The following CNTNAP5 variants were observed in gnomAD, a reference collection of about 807,000 sequenced individuals.
The protein encoded by CNTNAP5 is contactin associated protein family member 5.
A neutral mutation model predicts 150.2 loss-of-function variants in CNTNAP5; 72 were observed. The ratio of observed to expected loss-of-function variants is 0.48; its 90% CI spans 0.40 to 0.58. The LOEUF (loss-of-function observed/expected upper bound fraction) is 0.58. Ranked by LOEUF, CNTNAP5 falls within the 20% of genes least tolerant of loss-of-function variation. CNTNAP5 has a pLI of 0.00. For missense variants in CNTNAP5, 1,636 were observed against 1,626.2 expected (o/e 1.01, Z -0.10); for synonymous variants, 672 against 619.8 (o/e 1.08, Z -1.25).
intron 3 of CNTNAP5, among the ~76,000 whole-genome samples, chr2:124,413,867 A>G (rs1006638659): frequency 6.1e-5 from 9 of 146,482 alleles, no homozygotes; most frequent in African/African-American, 2.3e-4. Context: ...TGTACCCTAA[A>G]ACTTAAAGTA....
chr2:124,751,093 G>A (rs959083471), intron 14 of CNTNAP5, among the ~76,000 whole-genome samples: 1 of 151,932 alleles, frequency 6.6e-6, no homozygotes, highest in African/African-American at 2.4e-5. Context: ...AAGCACAGAT[G>A]TGCCTGAACC....
At chr2:124,847,544 C>G (rs375998251) in intron 19 of CNTNAP5, among the ~76,000 whole-genome samples, 145 of 152,284 alleles carry the variant, frequency 9.5e-4, no homozygotes, top group African/African-American at 3.3e-3. Context: ...CTATGAGTTT[C>G]CTAGCAGAGA....
At position 124,655,923 on chromosome 2, in the gene CNTNAP5, AAGAGAGAGAGAG is replaced by A. The variant is rs138857798; in HGVS notation, c.2077+7979_2077+7990del. On this transcript the variant is annotated intron_variant, in intron 13 of 23. Transcript: ENST00000682447. Reference sequence around the variant, plus strand: ...TGGAAAGAAAAGAAAGAAAGACAGAAAGAGAGAGAGAGAGAGAGAGAGAGAAAGAAAGAAAGA... The same window carrying A: ...TGGAAAGAAAAGAAAGAAAGACAGAAAGAGAGAGAGAGAAAGAAAGAAAGA... Among the ~76,000 whole-genome samples the A allele has an allele frequency of 5.7e-5, 6 of 105,932 alleles. No individual in the cohort carries two copies. The East Asian group carries it at 7.3e-4, about 13-fold the overall frequency. 69.5% of individuals were successfully genotyped at this position (105,932 alleles called of 152,430 possible).
At chr2:124,651,937 G>A (rs151016671) in intron 13 of CNTNAP5, among the ~76,000 whole-genome samples, 9 of 152,244 alleles carry the variant, frequency 5.9e-5, no homozygotes, top group East Asian at 5.8e-4. Context: ...GCCTGCTCTC[G>A]GCTCCAGCAA....
At chr2:124,485,526 T>C (rs568693917) in intron 7 of CNTNAP5, among the ~76,000 whole-genome samples, 112 of 140,924 alleles carry the variant, frequency 7.9e-4, no homozygotes, top group African/African-American at 2.7e-3. Flanking sequence ...GGCAGGAGAA[T>C]AGCATGAACC....
At chr2:124,231,227 T>A (rs1686610313) in intron 2 of CNTNAP5, among the ~76,000 whole-genome samples, 1 of 152,208 alleles carries the variant, frequency 6.6e-6, no homozygotes, top group Non-Finnish European at 1.5e-5. Flanking sequence ...TTACTGTGGA[T>A]CTTAGGGGTA....
chr2:124,296,886 A>T (rs554443213), intron 3 of CNTNAP5, among the ~76,000 whole-genome samples: 1 of 152,234 alleles, frequency 6.6e-6, no homozygotes, highest in East Asian at 1.9e-4. Flanking sequence ...GCTCTCTGCC[A>T]CTCAACAGTC....
chr2:124,766,749 C>T (rs1015338418), intron 16 of CNTNAP5, among the ~76,000 whole-genome samples: 3 of 152,066 alleles, frequency 2.0e-5, no homozygotes, highest in East Asian at 1.9e-4. Context: ...CAGCAGCAAA[C>T]GTATATTATT....
At chr2:124,524,998 G>A (rs557099093) in intron 9 of CNTNAP5, among the ~76,000 whole-genome samples, 1 of 152,242 alleles carries the variant, frequency 6.6e-6, no homozygotes, top group South Asian at 2.1e-4. Flanking sequence ...GTAACTCCAG[G>A]TGTAGAAGCC....
intron 1 of CNTNAP5, among the ~76,000 whole-genome samples, chr2:124,067,617 G>T (rs1330491325): frequency 6.6e-6 from 1 of 152,192 alleles, no homozygotes; most frequent in Non-Finnish European, 1.5e-5. Flanking sequence ...AGAAATTAGA[G>T]CATGAGTAAC....
intron 3 of CNTNAP5, among the ~76,000 whole-genome samples, chr2:124,390,885 A>G (rs923276800): frequency 1.1e-4 from 17 of 152,240 alleles, no homozygotes; most frequent in African/African-American, 4.1e-4. Flanking sequence ...CTTTCCATAA[A>G]GGCAGAAGAC....
intron 12 of CNTNAP5, among the ~76,000 whole-genome samples, chr2:124,617,515 G>A (rs1016859486): frequency 3.3e-5 from 5 of 151,974 alleles, no homozygotes; most frequent in Admixed American, 3.3e-4. Flanking sequence ...GTTGTCACGT[G>A]GCCTTCTCCT....
At chr2:124,661,180 A>C (rs1678582021) in intron 13 of CNTNAP5, among the ~76,000 whole-genome samples, 1 of 152,118 alleles carries the variant, frequency 6.6e-6, no homozygotes, top group South Asian at 2.1e-4. Context: ...ACAAATTAAC[A>C]TTAATTTACT....
chr2:124,592,612 G>A (rs1416245618), intron 11 of CNTNAP5, among the ~76,000 whole-genome samples: 3 of 151,958 alleles, frequency 2.0e-5, no homozygotes, highest in Non-Finnish European at 4.4e-5. Context: ...TGATCCAAAA[G>A]ATTGACAACA....
At position 124,434,594 on chromosome 2, in the gene CNTNAP5, G is replaced by T; in HGVS notation, c.640G>T (p.Gly214Ter). 1 of 1,613,958 alleles carries T rather than the reference G, an allele frequency of 6.2e-7. No individual in the cohort carries two copies. Among genetic ancestry groups the T allele is most frequent in the Non-Finnish European group, 8.5e-7 (1 of 1,179,854 alleles). Reference sequence around the variant, plus strand: ...CTCCCTGAAGTTCAAGAGCATGCAAGGAGATGGGGTCCTGTTCCATGGAGA... The same window carrying T: ...CTCCCTGAAGTTCAAGAGCATGCAATGAGATGGGGTCCTGTTCCATGGAGA... ...VISLKFKSMQGDGVLFHGEGQ... is the reference protein window; with the variant it reads ...VISLKFKSMQ Residue 214 changes from glycine (G) to a stop codon, truncating the protein, a stop_gained, in exon 5 of 24, where the codon GGA becomes TGA. Coordinates refer to ENST00000682447, the MANE Select transcript of CNTNAP5 (RefSeq NM_001367498.1). LOFTEE classifies it high-confidence loss of function.
intron 3 of CNTNAP5, among the ~76,000 whole-genome samples, chr2:124,347,686 A>G (rs1177526899): frequency 6.6e-6 from 1 of 152,190 alleles, no homozygotes; most frequent in African/African-American, 2.4e-5. Flanking sequence ...TTTAGCAGCT[A>G]ATTCACAACA....
chr2:124,736,291 T>C (rs1680381258), intron 13 of CNTNAP5, among the ~76,000 whole-genome samples: 1 of 152,142 alleles, frequency 6.6e-6, no homozygotes, highest in East Asian at 1.9e-4. Context: ...CCTGACACTG[T>C]ACTCTCCACT....
chr2:124,397,042 T>C (rs1236374840), intron 3 of CNTNAP5, among the ~76,000 whole-genome samples: 24 of 152,204 alleles, frequency 1.6e-4, no homozygotes, highest in Admixed American at 1.5e-3. Context: ...CATCACTATA[T>C]TGCAATGATG....
At chr2:124,313,991 C>G (rs1311374540) in intron 3 of CNTNAP5, among the ~76,000 whole-genome samples, 1 of 152,204 alleles carries the variant, frequency 6.6e-6, no homozygotes, top group Non-Finnish European at 1.5e-5. Flanking sequence ...TGAAAATATA[C>G]TGCATTATAT....
Sources: allele counts gnomAD v4.1 joint callset (sites outside exome capture counted in the v4.1 genomes callset), GRCh38; gene constraint gnomAD v4.1.1; transcripts MANE v1.5; gene names NCBI Gene and HGNC (gene_info 2026-07-23, HGNC 2026-07-21).